Variants in PCDHA5 observed in about 807,000 individuals in gnomAD.
PCDHA5 encodes the protein protocadherin alpha-5.
PCDHA5 carries 43 observed loss-of-function variants against 61.6 expected under a neutral mutation model. The observed-to-expected ratio is 0.70, with a 90% CI of 0.55 to 0.90. PCDHA5 has a LOEUF of 0.90. Ranked by LOEUF, PCDHA5 falls within the 40% of genes least tolerant of loss-of-function variation. The probability of loss-of-function intolerance (pLI) is 0.00; values close to 1 mark genes in which losing one functional copy is unlikely to be tolerated. For missense variants in PCDHA5, 1,298 were observed against 1,222.7 expected (o/e 1.06, Z -0.92); for synonymous variants, 627 against 543.9 (o/e 1.15, Z -2.13).
In PCDHA5 at chr5:141,009,679, C is replaced by T; in HGVS notation, c.2553C>T (p.Asn851=). 1.2e-6 allele frequency: 2 copies of T among 1,614,116 alleles called. No individual in the cohort carries two copies. The highest frequency in any genetic ancestry group is 8.5e-7 in the Non-Finnish European group (1 of 1,180,026). The part of the protein sequence containing the change: ...SPPVGAGVNS[N]SWTFKYGPGN... ...CAGTCGGTGCGGGTGTCAACAGCAA[C>T]AGCTGGACCTTTAAATACGGACCAG... The change falls in exon 4 of 4, where the codon AAC becomes AAT. Residue 851 remains asparagine (N), a synonymous_variant. Coordinates refer to ENST00000529859, the MANE Select transcript of PCDHA5 (RefSeq NM_018908.3).
At chr5:140,878,371 G>A (rs543191231) in intron 1 of PCDHA5, among the ~76,000 whole-genome samples, 53 of 152,276 alleles carry the variant, frequency 3.5e-4, no homozygotes, top group Non-Finnish European at 6.5e-4. Flanking sequence ...TCTGACATAT[G>A]ATGAATGATT....
chr5:141,007,647 A>T (rs1554261419), intron 3 of PCDHA5, among the ~76,000 whole-genome samples: 1 of 152,174 alleles, frequency 6.6e-6, no homozygotes, highest in Admixed American at 6.5e-5. Context: ...GTATTTGCCT[A>T]AAAAACCATA....
At chr5:140,870,494 A>G (rs782779572) in intron 1 of PCDHA5, 1 of 1,614,236 alleles carries the variant, frequency 6.2e-7, no homozygotes, top group South Asian at 1.1e-5. Flanking sequence ...GTGTTCGTGA[A>G]GGAGAACAAC....
rs181275532 is a variant in PCDHA5, at chr5:140,900,911, A to G, written c.2352+76784A>G. Among the ~76,000 whole-genome samples the G allele has an allele frequency of 2.3e-4, 35 of 152,252 alleles. 1 individual carries two copies. Among genetic ancestry groups the G allele is most frequent in the Admixed American group, 6.5e-4 (10 of 15,284 alleles). ...GGATAAAAGCCATTTTAACTGTGGTAAGATGATATCTCATTGTAGTTTTGA... is the reference window on the plus strand; with the variant it reads ...GGATAAAAGCCATTTTAACTGTGGTGAGATGATATCTCATTGTAGTTTTGA... On this transcript the variant is annotated intron_variant, in intron 1 of 3. Coordinates refer to ENST00000529859, the MANE Select transcript of PCDHA5 (RefSeq NM_018908.3).
intron 3 of PCDHA5, among the ~76,000 whole-genome samples, chr5:140,984,315 C>G (rs1254013417): frequency 1.3e-5 from 2 of 152,124 alleles, no homozygotes; most frequent in African/African-American, 4.8e-5. Flanking sequence ...GTGTGTATTC[C>G]TAGGCAAATG....
At chr5:140,857,673 C>T (rs372854727) in intron 1 of PCDHA5, 3 of 1,596,826 alleles carry the variant, frequency 1.9e-6, no homozygotes, top group Non-Finnish European at 2.6e-6. Context: ...GGGGGCGTGC[C>T]GCCTCTGGGC....
Position 140,956,868 on chromosome 5 carries a change from G to A in PCDHA5, c.2353-22081G>A, listed in dbSNP as rs1161897507. Among the ~76,000 whole-genome samples, 4 of 152,082 alleles carry A rather than the reference G, an allele frequency of 2.6e-5. No individual in the cohort carries two copies. In the South Asian group the frequency reaches 8.3e-4, roughly 32 times the overall value. On this transcript the variant is annotated intron_variant, in intron 1 of 3. Transcript: ENST00000529859. ...GGGTTAAATGGTTGAATGAATGTGT[G>A]AAAAGTTAGATATCAATGAATGAAT...
intron 1 of PCDHA5, chr5:140,859,217 C>T (rs1409192343): frequency 6.7e-6 from 1 of 149,754 alleles, no homozygotes; most frequent in South Asian, 2.1e-4. Context: ...AGCTCTTTCA[C>T]TTTAAGGAAG....
At chr5:140,950,131 C>G (rs1030150193) in intron 1 of PCDHA5, among the ~76,000 whole-genome samples, 6 of 151,858 alleles carry the variant, frequency 4.0e-5, no homozygotes, top group Non-Finnish European at 7.4e-5. Flanking sequence ...CCACAAGACA[C>G]AGTTATAATT....
intron 1 of PCDHA5, chr5:140,869,203 T>C: frequency 6.2e-7 from 1 of 1,614,000 alleles, no homozygotes; most frequent in Non-Finnish European, 8.5e-7. Flanking sequence ...GCTCCACTAC[T>C]CCGTCTCGGA....
At chr5:140,827,274 G>A (rs1444530469) in intron 1 of PCDHA5, among the ~76,000 whole-genome samples, 2 of 152,192 alleles carry the variant, frequency 1.3e-5, no homozygotes, top group Admixed American at 6.5e-5. Context: ...TTTAGGAACA[G>A]CTGAAGAATC....
At position 140,877,378 on chromosome 5, in the gene PCDHA5, A is replaced by G; in HGVS notation, c.2352+53251A>G. 2 of 1,613,974 alleles carry G rather than the reference A, an allele frequency of 1.2e-6. No individual in the cohort carries two copies. Among genetic ancestry groups the G allele is most frequent in the South Asian group, 1.1e-5 (1 of 91,086 alleles). On this transcript the variant is annotated intron_variant, in intron 1 of 3. Transcript: ENST00000529859. ...CACTGGCGAGATCAGCACGACACGC[A>G]TCCTGGATGAGGCGGACGCTCCGCG...
In PCDHA5 at chr5:141,011,189, A is replaced by G. The variant is rs573647175; in HGVS notation, c.*1252A>G. On this transcript the variant is annotated 3_prime_UTR_variant, in exon 4 of 4. Coordinates refer to ENST00000529859, the MANE Select transcript of PCDHA5 (RefSeq NM_018908.3). ...CAAGACCCAAAAATTGAAGAAAAAT[A>G]TTGTTTTCTCATACAGTGAGCAGAT... 1.3e-5 allele frequency: 2 copies of G among 153,810 alleles called. No homozygotes were observed. Among genetic ancestry groups the G allele is most frequent in the African/African-American group, 4.8e-5 (2 of 41,570 alleles). 9.5% of individuals were successfully genotyped at this position (153,810 alleles called of 1,614,324 possible).
chr5:140,908,268 A>G (rs1401852970), intron 1 of PCDHA5, among the ~76,000 whole-genome samples: 4 of 152,284 alleles, frequency 2.6e-5, no homozygotes, highest in African/African-American at 9.6e-5. Context: ...GGAACTCCCC[A>G]TGAGGCCATT....
At chr5:140,941,219 C>CTT (rs1308794823) in intron 1 of PCDHA5, among the ~76,000 whole-genome samples, 11 of 125,974 alleles carry the variant, frequency 8.7e-5, no homozygotes, top group African/African-American at 3.2e-4. Flanking sequence ...TTCTTCCTTT[C>CTT]TTTCTTTCTT....
intron 1 of PCDHA5, among the ~76,000 whole-genome samples, chr5:140,901,191 C>A (rs2153472732): frequency 6.6e-6 from 1 of 152,084 alleles, no homozygotes; most frequent in Non-Finnish European, 1.5e-5. Context: ...GTTTGCTTTT[C>A]TGTGCAGAAG....
At chr5:140,859,390 C>A (rs911308831) in intron 1 of PCDHA5, 1 of 268,118 alleles carries the variant, frequency 3.7e-6, no homozygotes, top group Non-Finnish European at 6.7e-6. Context: ...CTCTAGTCAT[C>A]TTAAACAGGG....
At chr5:140,916,714 G>C (rs1457405124) in intron 1 of PCDHA5, among the ~76,000 whole-genome samples, 1 of 152,172 alleles carries the variant, frequency 6.6e-6, no homozygotes, top group African/African-American at 2.4e-5. Context: ...CAGAAGGAAG[G>C]AGTGACTTTT....
chr5:140,821,694 T>C lies in PCDHA5; in HGVS notation c.-82T>C. ...CTCAGAAAGGCGATAATATAAAAAA[T>C]ATATAGTTAATTGGGAATTGAATTT... On this transcript the variant is annotated 5_prime_UTR_variant, in exon 1 of 4. Transcript: ENST00000529859. The C allele has an allele frequency of 7.1e-7, 1 of 1,400,444 alleles. No individual in the cohort carries two copies. Among genetic ancestry groups the C allele is most frequent in the Non-Finnish European group, 9.7e-7 (1 of 1,029,236 alleles). The allele number at this position is 1,400,444 out of a possible 1,614,324, so 86.8% of individuals were successfully genotyped here.
Sources: allele counts gnomAD v4.1 joint callset (sites outside exome capture counted in the v4.1 genomes callset), GRCh38; gene constraint gnomAD v4.1.1; transcripts MANE v1.5; gene names NCBI Gene and HGNC (gene_info 2026-07-23, HGNC 2026-07-21).